TCERG1L: variants seen among roughly 807,000 people sequenced by gnomAD.
TCERG1L encodes transcription elongation regulator 1-like protein.
Under a neutral mutation model 56.3 loss-of-function variants are expected in TCERG1L, and 37 were observed. The ratio of observed to expected loss-of-function variants is 0.66; its 90% CI spans 0.51 to 0.87. TCERG1L has a LOEUF of 0.87. TCERG1L is among the 40% of genes least tolerant of loss of function. The pLI, the probability that TCERG1L is intolerant of heterozygous loss-of-function variation, is 0.00. For missense variants in TCERG1L, 799 were observed against 774.2 expected (o/e 1.03, Z -0.38); for synonymous variants, 324 against 326.3 (o/e 0.99, Z 0.08).
intron 4 of TCERG1L, among the ~76,000 whole-genome samples, chr10:131,222,451 T>A (rs942996297): frequency 6.6e-6 from 1 of 152,212 alleles, no homozygotes; most frequent in Non-Finnish European, 1.5e-5. Flanking sequence ...ATCTCTCTAT[T>A]GGCAGATGTG....
intron 8 of TCERG1L, among the ~76,000 whole-genome samples, chr10:131,123,888 C>T (rs1589721565): frequency 6.6e-6 from 1 of 151,456 alleles, no homozygotes; most frequent in African/African-American, 2.4e-5. Context: ...CCTGGACATC[C>T]AAGACTGCCC....
Position 131,194,108 on chromosome 10 carries a change from C to T in TCERG1L, c.857-27223G>A, listed in dbSNP as rs559393134. ...CTTCCGGCACTCCGGCCACACCACA[C>T]GGCATGGAGCTTTGACCCGTGCCAA... On this transcript the variant is annotated intron_variant, in intron 4 of 11. Transcript: ENST00000368642. Among the ~76,000 whole-genome samples the T allele has an allele frequency of 7.9e-5, 12 of 152,378 alleles. No individual in the cohort carries two copies. In the South Asian group the frequency reaches 1.0e-3, roughly 13 times the overall value.
At chr10:131,304,578 C>T (rs1846801662) in intron 3 of TCERG1L, among the ~76,000 whole-genome samples, 1 of 152,012 alleles carries the variant, frequency 6.6e-6, no homozygotes, top group African/African-American at 2.4e-5. Flanking sequence ...CTGTCCAGCC[C>T]TGAATCAGCT....
chr10:131,159,832 C>G (rs145424845), intron 6 of TCERG1L, among the ~76,000 whole-genome samples: 1 of 152,190 alleles, frequency 6.6e-6, no homozygotes, highest in South Asian at 2.1e-4. Flanking sequence ...TGACAGAGCA[C>G]GCGGCCACAG....
chr10:131,112,223 G>T (rs545512933), intron 9 of TCERG1L, among the ~76,000 whole-genome samples: 6 of 142,738 alleles, frequency 4.2e-5, no homozygotes, highest in African/African-American at 1.5e-4. Context: ...GAAGACTTGG[G>T]CCACGCCCCT....
At chr10:131,234,625 C>T (rs1001011235) in intron 4 of TCERG1L, among the ~76,000 whole-genome samples, 2 of 152,098 alleles carry the variant, frequency 1.3e-5, no homozygotes, top group Non-Finnish European at 2.9e-5. Flanking sequence ...ATAACCAGCA[C>T]CTTGGAAGAA....
At chr10:131,098,451 C>T (rs1247810916) in intron 10 of TCERG1L, 27 bp from the exon 11 acceptor site, 1 of 1,526,404 alleles carries the variant, frequency 6.6e-7, no homozygotes, top group Non-Finnish European at 8.8e-7. Flanking sequence ...AGAAGAAAAA[C>T]ATCATGAAAT....
chr10:131,274,032 G>A (rs1004460920), intron 3 of TCERG1L, among the ~76,000 whole-genome samples: 1 of 152,108 alleles, frequency 6.6e-6, no homozygotes, highest in Non-Finnish European at 1.5e-5. Context: ...GTTGAGAGAG[G>A]AACGGGGCCT....
intron 9 of TCERG1L, among the ~76,000 whole-genome samples, chr10:131,109,669 C>T (rs940674105): frequency 2.0e-5 from 3 of 152,182 alleles, no homozygotes; most frequent in Non-Finnish European, 2.9e-5. Flanking sequence ...GTCTGAATCA[C>T]GAGAGTGGGA....
intron 8 of TCERG1L, among the ~76,000 whole-genome samples, chr10:131,132,422 C>T (rs866222089): frequency 3.9e-5 from 6 of 152,194 alleles, no homozygotes; most frequent in Non-Finnish European, 7.3e-5. Context: ...CTAAAATTAG[C>T]GTTTCAATGT....
chr10:131,303,695 G>C, intron 3 of TCERG1L, among the ~76,000 whole-genome samples: 1 of 152,130 alleles, frequency 6.6e-6, no homozygotes, highest in East Asian at 1.9e-4. Context: ...TTATGCTTAA[G>C]AATCTTTCTA....
At chr10:131,168,621 T>A (rs1341865274) in intron 4 of TCERG1L, among the ~76,000 whole-genome samples, 1 of 152,138 alleles carries the variant, frequency 6.6e-6, no homozygotes, top group Admixed American at 6.5e-5. Flanking sequence ...CTCCCCTCCA[T>A]CCAGTGAGCG....
At chr10:131,238,916 A>G (rs61861230) in intron 4 of TCERG1L, among the ~76,000 whole-genome samples, 9,090 of 152,322 alleles carry the variant, frequency 0.06, 475 homozygotes, top group East Asian at 0.29. Context: ...AGCCTGGTCC[A>G]TGCCAACGTC....
intron 4 of TCERG1L, among the ~76,000 whole-genome samples, chr10:131,226,414 T>C (rs1182474964): frequency 6.6e-6 from 1 of 152,166 alleles, no homozygotes; most frequent in African/African-American, 2.4e-5. Flanking sequence ...ACCAGTAAGT[T>C]TTCTCACTCA....
At chr10:131,240,459 T>G (rs1450541778) in intron 4 of TCERG1L, among the ~76,000 whole-genome samples, 3 of 152,180 alleles carry the variant, frequency 2.0e-5, no homozygotes, top group Non-Finnish European at 4.4e-5. Context: ...CTGGGCTCTT[T>G]TATAATCTGA....
chr10:131,135,224 C>T (rs1370057822), intron 7 of TCERG1L, among the ~76,000 whole-genome samples: 2 of 152,098 alleles, frequency 1.3e-5, no homozygotes, highest in African/African-American at 2.4e-5. Context: ...TATTCCGCCC[C>T]GCCCAGCTTG....
At chr10:131,224,650 G>A (rs1244555384) in intron 4 of TCERG1L, among the ~76,000 whole-genome samples, 2 of 152,142 alleles carry the variant, frequency 1.3e-5, no homozygotes, top group Non-Finnish European at 2.9e-5. Flanking sequence ...CTTCAAGACC[G>A]AAGTCACGTC....
intron 6 of TCERG1L, among the ~76,000 whole-genome samples, chr10:131,157,353 CAA>C (rs900429749): frequency 6.6e-5 from 10 of 152,032 alleles, no homozygotes; most frequent in Non-Finnish European, 1.5e-4. Flanking sequence ...TTTAATTTCA[CAA>C]AAATAGCTAA....
chr10:131,173,015 C>T (rs149341812), intron 4 of TCERG1L, among the ~76,000 whole-genome samples: 1 of 151,866 alleles, frequency 6.6e-6, no homozygotes, highest in African/African-American at 2.4e-5. Flanking sequence ...CTCGGCCTCC[C>T]GAGTAGCTGA....
Sources: allele counts gnomAD v4.1 joint callset (sites outside exome capture counted in the v4.1 genomes callset), GRCh38; gene constraint gnomAD v4.1.1; transcripts MANE v1.5; gene names NCBI Gene and HGNC (gene_info 2026-07-23, HGNC 2026-07-21).